The following MYH16 variants were observed in gnomAD, a reference collection of about 807,000 sequenced individuals.
MYH16 encodes the protein putative uncharacterized protein MYH16.
intron 1 of MYH16, among the ~76,000 whole-genome samples, chr7:99,241,377 G>A (rs1402050575): frequency 6.6e-6 from 1 of 152,212 alleles, no homozygotes; most frequent in African/African-American, 2.4e-5. Context: ...GAGGTCAGGA[G>A]TTTGAGACCA....
At chr7:99,267,821 C>G (rs527916197) in intron 18 of MYH16, among the ~76,000 whole-genome samples, 4 of 152,188 alleles carry the variant, frequency 2.6e-5, no homozygotes, top group Admixed American at 2.6e-4. Flanking sequence ...CCCTGCCCCC[C>G]ACAACAAACT....
chr7:99,240,008 C>A (rs767132361), intron 1 of MYH16, among the ~76,000 whole-genome samples: 2 of 146,890 alleles, frequency 1.4e-5, no homozygotes, highest in Non-Finnish European at 3.0e-5. Flanking sequence ...CTTGGTGAGA[C>A]CCTATCTTTA....
chr7:99,252,243 C>T (rs1262147637), intron 6 of MYH16, among the ~76,000 whole-genome samples: 1 of 152,156 alleles, frequency 6.6e-6, no homozygotes, highest in South Asian at 2.1e-4. Context: ...CCAGCACCAC[C>T]TGAGACGCCA....
At chr7:99,294,767 T>C (rs557011644) in intron 33 of MYH16, among the ~76,000 whole-genome samples, 1 of 152,132 alleles carries the variant, frequency 6.6e-6, no homozygotes, top group East Asian at 1.9e-4. Context: ...GGTTTCATCA[T>C]GTTGGCCAGG....
At chr7:99,275,818 G>A (rs138460670) in intron 20 of MYH16, among the ~76,000 whole-genome samples, 3,035 of 152,288 alleles carry the variant, frequency 0.02, 45 homozygotes, top group South Asian at 0.047. Flanking sequence ...TGCAACCTCC[G>A]CCTCCCGGAT....
At chr7:99,248,317 G>C (rs930123596) in intron 3 of MYH16, among the ~76,000 whole-genome samples, 3 of 152,136 alleles carry the variant, frequency 2.0e-5, no homozygotes, top group Admixed American at 6.5e-5. Flanking sequence ...GGCCAGGCTG[G>C]TCCTGAACTC....
intron 38 of MYH16, among the ~76,000 whole-genome samples, chr7:99,302,115 C>T (rs1792602978): frequency 6.6e-6 from 1 of 151,766 alleles, no homozygotes; most frequent in Non-Finnish European, 1.5e-5. Flanking sequence ...ACCAGCTTGG[C>T]CAACATGATG....
At chr7:99,259,766 A>C (rs1024530761) in intron 11 of MYH16, among the ~76,000 whole-genome samples, 1 of 148,172 alleles carries the variant, frequency 6.7e-6, no homozygotes, top group African/African-American at 2.5e-5. Flanking sequence ...TACATATTAT[A>C]TATACATATA....
At chr7:99,254,925 A>G (rs571240796) in intron 8 of MYH16, among the ~76,000 whole-genome samples, 1 of 152,190 alleles carries the variant, frequency 6.6e-6, no homozygotes, top group Non-Finnish European at 1.5e-5. Flanking sequence ...GCTTGAGCCC[A>G]GGAGTTTGAG....
intron 37 of MYH16, among the ~76,000 whole-genome samples, chr7:99,299,927 T>TTTTA (rs61663432): frequency 0.17 from 23,660 of 138,060 alleles, 2,133 homozygotes; most frequent in Middle Eastern, 0.23. Context: ...TTTTATTTTA[T>TTTTA]TTTATTTATT....
chr7:99,243,755 A>G (rs545820316), intron 2 of MYH16, among the ~76,000 whole-genome samples: 1 of 152,266 alleles, frequency 6.6e-6, no homozygotes, highest in African/African-American at 2.4e-5. Context: ...TTAGAAGTCC[A>G]TCCATCCATC....
intron 1 of MYH16, among the ~76,000 whole-genome samples, chr7:99,239,435 G>A (rs868247528): frequency 8.5e-5 from 13 of 152,196 alleles, no homozygotes; most frequent in African/African-American, 2.9e-4. Flanking sequence ...TGGCATGAGG[G>A]CCATGAGAGA....
chr7:99,294,031 G>A (rs1250029463), exon 33 of MYH16: 13 of 452,596 alleles, frequency 2.9e-5, no homozygotes, highest in Non-Finnish European at 4.4e-5. Context: ...GAAGCTGGCC[G>A]CCAGGCTTCA....
intron 29 of MYH16, among the ~76,000 whole-genome samples, chr7:99,288,466 C>A (rs1001716750): frequency 1.4e-5 from 2 of 146,036 alleles, no homozygotes; most frequent in Non-Finnish European, 3.0e-5. Context: ...AATAAAATAA[C>A]CTGCTGGGCA....
intron 16 of MYH16, chr7:99,265,329 C>G (rs1791975940): frequency 6.6e-6 from 1 of 152,664 alleles, no homozygotes; most frequent in Admixed American, 6.5e-5. Flanking sequence ...AACAATGGGT[C>G]ATCCAAGAAT....
At chr7:99,271,483 T>C (rs1792045621) in intron 19 of MYH16, among the ~76,000 whole-genome samples, 1 of 152,156 alleles carries the variant, frequency 6.6e-6, no homozygotes. Flanking sequence ...CACTCCAGCC[T>C]GGGCGACAGA....
intron 1 of MYH16, chr7:99,239,117 G>T (rs1301819600): frequency 1.3e-5 from 2 of 152,556 alleles, no homozygotes; most frequent in Non-Finnish European, 1.5e-5. Context: ...CGCCCAGAAG[G>T]CAGGGTGGCA....
intron 15 of MYH16, among the ~76,000 whole-genome samples, chr7:99,264,843 T>C (rs891804723): frequency 2.6e-5 from 4 of 152,168 alleles, no homozygotes; most frequent in Non-Finnish European, 5.9e-5. Context: ...GCTCTGAATC[T>C]GGAGGGGCCC....
chr7:99,257,627 CGTT>C (rs1293888385), intron 10 of MYH16, among the ~76,000 whole-genome samples: 2 of 152,230 alleles, frequency 1.3e-5, no homozygotes, highest in Admixed American at 6.5e-5. Flanking sequence ...TTTTTGTTGT[CGTT>C]GTTGTTTTCA....
Sources: allele counts gnomAD v4.1 joint callset (sites outside exome capture counted in the v4.1 genomes callset), GRCh38; gene constraint gnomAD v4.1.1; transcripts MANE v1.5; gene names NCBI Gene and HGNC (gene_info 2026-07-23, HGNC 2026-07-21).